CSMD1: variants seen among roughly 807,000 people sequenced by gnomAD.
CSMD1 encodes CUB and sushi domain-containing protein 1.
Under a neutral mutation model 417.5 loss-of-function variants are expected in CSMD1, and 213 were observed. The observed-to-expected ratio is 0.51, with a 90% CI of 0.46 to 0.57. The LOEUF (loss-of-function observed/expected upper bound fraction) is 0.57. Ranked by LOEUF, CSMD1 falls within the 20% of genes least tolerant of loss-of-function variation. The pLI, the probability that CSMD1 is intolerant of heterozygous loss-of-function variation, is 0.00. For synonymous variants in CSMD1, 2,862 were observed against 1,736.8 expected (o/e 1.65, Z -16.11); for missense variants, 6,923 against 4,529.7 (o/e 1.53, Z -15.17).
chr8:3,307,156 C>G (rs569704678), intron 25 of CSMD1, among the ~76,000 whole-genome samples: 2 of 152,146 alleles, frequency 1.3e-5, no homozygotes, highest in African/African-American at 4.8e-5. Flanking sequence ...TCTTGCCTAG[C>G]CCATGAGACT....
intron 2 of CSMD1, among the ~76,000 whole-genome samples, chr8:4,517,918 A>C (rs574564278): frequency 6.6e-6 from 1 of 152,332 alleles, no homozygotes; most frequent in African/African-American, 2.4e-5. Context: ...GTCTAAGAGT[A>C]CATATGACAT....
chr8:3,218,416 C>A (rs559678031), intron 29 of CSMD1, among the ~76,000 whole-genome samples: 1 of 151,628 alleles, frequency 6.6e-6, no homozygotes, highest in East Asian at 1.9e-4. Flanking sequence ...AAAAAATCAG[C>A]CGGGCGTGGT....
At chr8:4,618,246 C>A (rs748258600) in intron 2 of CSMD1, among the ~76,000 whole-genome samples, 1 of 152,154 alleles carries the variant, frequency 6.6e-6, no homozygotes, top group Non-Finnish European at 1.5e-5. Context: ...GCCCAGACCT[C>A]ATAAATGTGC....
intron 68 of CSMD1, among the ~76,000 whole-genome samples, chr8:2,942,875 C>T (rs183768654): frequency 1.3e-5 from 2 of 152,146 alleles, no homozygotes; most frequent in African/African-American, 2.4e-5. Flanking sequence ...AGTATACATC[C>T]TGACTTTCGT....
intron 1 of CSMD1, among the ~76,000 whole-genome samples, chr8:4,861,272 G>A (rs1802114654): frequency 6.6e-6 from 1 of 152,106 alleles, no homozygotes; most frequent in Admixed American, 6.6e-5. Flanking sequence ...GAAAGTCACA[G>A]CAACAAAGGT....
intron 1 of CSMD1, chr8:4,787,645 A>C: frequency 6.3e-7 from 1 of 1,587,058 alleles, no homozygotes; most frequent in African/African-American, 1.3e-5. Flanking sequence ...TTCTCAAAAG[A>C]AATCCTGGTG....
At chr8:4,399,287 G>T (rs550894044) in intron 3 of CSMD1, among the ~76,000 whole-genome samples, 2 of 152,278 alleles carry the variant, frequency 1.3e-5, no homozygotes, top group South Asian at 2.1e-4. Context: ...ACCATCATTA[G>T]TAATGAGGGA....
intron 32 of CSMD1, among the ~76,000 whole-genome samples, chr8:3,201,278 C>T (rs756297563): frequency 6.6e-6 from 1 of 151,966 alleles, no homozygotes; most frequent in African/African-American, 2.4e-5. Context: ...GTTTTTATCT[C>T]CAGAAGGAAG....
chr8:4,059,760 G>C (rs1798875806), intron 3 of CSMD1, among the ~76,000 whole-genome samples: 1 of 151,926 alleles, frequency 6.6e-6, no homozygotes, highest in Non-Finnish European at 1.5e-5. Context: ...TTGAATCTCT[G>C]AATAGACCAA....
intron 11 of CSMD1, among the ~76,000 whole-genome samples, chr8:3,480,443 T>G (rs1358201212): frequency 1.3e-5 from 2 of 151,954 alleles, no homozygotes; most frequent in East Asian, 3.9e-4. Flanking sequence ...CAAATACACA[T>G]AGAAAAAAGA....
At chr8:4,871,829 A>T (rs1281034141) in intron 1 of CSMD1, among the ~76,000 whole-genome samples, 1 of 152,100 alleles carries the variant, frequency 6.6e-6, no homozygotes, top group East Asian at 1.9e-4. Flanking sequence ...ATCAGAGGAC[A>T]GGCAGGTTCT....
chr8:4,964,693 C>T (rs1437491583), intron 1 of CSMD1, among the ~76,000 whole-genome samples: 1 of 151,976 alleles, frequency 6.6e-6, no homozygotes, highest in Non-Finnish European at 1.5e-5. Context: ...CTCCAGGTTC[C>T]AGAAACTCAG....
intron 7 of CSMD1, among the ~76,000 whole-genome samples, chr8:3,666,863 C>G (rs1192997663): frequency 6.6e-6 from 1 of 152,166 alleles, no homozygotes; most frequent in East Asian, 1.9e-4. Flanking sequence ...TACTCAGTCT[C>G]AGATAGGTCT....
At chr8:3,005,371 G>C (rs593388) in intron 52 of CSMD1, among the ~76,000 whole-genome samples, 151 of 152,238 alleles carry the variant, frequency 9.9e-4, no homozygotes, top group African/African-American at 3.5e-3. Flanking sequence ...CATTCCTTCT[G>C]AAACTATTCC....
intron 3 of CSMD1, among the ~76,000 whole-genome samples, chr8:4,325,019 G>C (rs756482255): frequency 6.6e-6 from 1 of 152,134 alleles, no homozygotes; most frequent in South Asian, 2.1e-4. Context: ...CTCATTGAGT[G>C]AGTGCTGCAC....
chr8:3,603,395 C>A (rs1257882661), intron 8 of CSMD1, among the ~76,000 whole-genome samples: 3 of 152,126 alleles, frequency 2.0e-5, no homozygotes, highest in African/African-American at 7.2e-5. Flanking sequence ...TCAAATACAG[C>A]ACGTCAGGAA....
chr8:3,389,553 G>A (rs1811219846), intron 17 of CSMD1, among the ~76,000 whole-genome samples: 1 of 152,154 alleles, frequency 6.6e-6, no homozygotes, highest in East Asian at 1.9e-4. Context: ...AAAGGTTTCT[G>A]TGGTCACTAA....
intron 12 of CSMD1, among the ~76,000 whole-genome samples, chr8:3,417,365 T>A (rs964804531): frequency 3.3e-5 from 5 of 152,214 alleles, no homozygotes; most frequent in Admixed American, 1.3e-4. Context: ...AGCTAACTTT[T>A]TATCTCCCAA....
At chr8:4,043,050 T>A (rs116332522) in intron 3 of CSMD1, among the ~76,000 whole-genome samples, 1 of 151,942 alleles carries the variant, frequency 6.6e-6, no homozygotes, top group Non-Finnish European at 1.5e-5. Flanking sequence ...GAGAATCACT[T>A]GAACCTTGGA....
Sources: allele counts gnomAD v4.1 joint callset (sites outside exome capture counted in the v4.1 genomes callset), GRCh38; gene constraint gnomAD v4.1.1; transcripts MANE v1.5; gene names NCBI Gene and HGNC (gene_info 2026-07-23, HGNC 2026-07-21).